PDE4B: variants seen among roughly 807,000 people sequenced by gnomAD.
The protein encoded by PDE4B is 3',5'-cyclic-AMP phosphodiesterase 4B.
Under a neutral mutation model 82.2 loss-of-function variants are expected in PDE4B, and 20 were observed. That is an observed-to-expected ratio of 0.24 (90% CI 0.17 to 0.35). PDE4B has a LOEUF of 0.35. PDE4B is among the 10% of genes least tolerant of loss of function. PDE4B has a pLI of 1.00. For synonymous variants in PDE4B, 320 were observed against 318.9 expected (o/e 1.00, Z -0.04); for missense variants, 655 against 907.2 (o/e 0.72, Z 3.57).
intron 3 of PDE4B, among the ~76,000 whole-genome samples, chr1:66,207,679 A>T (rs1294743845): frequency 6.6e-6 from 1 of 152,208 alleles, no homozygotes; most frequent in African/African-American, 2.4e-5. Context: ...TCTAGGATGT[A>T]GTCCCAGTCG....
At chr1:66,162,057 C>T (rs908134137) in intron 3 of PDE4B, among the ~76,000 whole-genome samples, 11 of 151,836 alleles carry the variant, frequency 7.2e-5, no homozygotes, top group Admixed American at 4.6e-4. Flanking sequence ...CTGAATGGTG[C>T]TAGTTTTAAT....
chr1:66,208,924 G>T (rs1387787823), intron 3 of PDE4B, among the ~76,000 whole-genome samples: 1 of 152,198 alleles, frequency 6.6e-6, no homozygotes, highest in Non-Finnish European at 1.5e-5. Context: ...AGGAAAAGAT[G>T]TGTATGCCCA....
chr1:65,983,437 T>C (rs1190104193), intron 3 of PDE4B, among the ~76,000 whole-genome samples: 1 of 152,164 alleles, frequency 6.6e-6, no homozygotes, highest in African/African-American at 2.4e-5. Flanking sequence ...AAATCATATG[T>C]TGAAATTCTA....
chr1:65,977,923 G>C (rs561963924), intron 3 of PDE4B, among the ~76,000 whole-genome samples: 46 of 152,154 alleles, frequency 3.0e-4, no homozygotes, highest in African/African-American at 1.1e-3. Flanking sequence ...ATAATACTTA[G>C]AGCATATTTT....
At chr1:66,031,275 A>T (rs187784885) in intron 3 of PDE4B, among the ~76,000 whole-genome samples, 55 of 152,320 alleles carry the variant, frequency 3.6e-4, no homozygotes, top group Non-Finnish European at 6.8e-4. Flanking sequence ...ATTAATAAAA[A>T]CCCAATTAAT....
At chr1:66,145,814 G>A (rs889884566) in intron 3 of PDE4B, among the ~76,000 whole-genome samples, 30 of 152,294 alleles carry the variant, frequency 2.0e-4, no homozygotes, top group Non-Finnish European at 1.5e-5. Flanking sequence ...ACAGTGCATT[G>A]TTGTGCTTCT....
Position 65,902,007 on chromosome 1 carries a change from A to C in PDE4B, c.-70-11238A>C, listed in dbSNP as rs147503052. 7.0e-3 allele frequency among the ~76,000 whole-genome samples: 1,062 copies of C among 152,074 alleles called. 13 individuals carry two copies. Among genetic ancestry groups the C allele is most frequent in the African/African-American group, 0.023 (970 of 41,480 alleles). On this transcript the variant is annotated intron_variant, in intron 1 of 16. Transcript: ENST00000341517. ...GTCTCTATTTTCATTTATTTCAAGA[A>C]ATTTTTTTACTTCTGCCTTAATTTT...
At chr1:65,936,283 T>A (rs567742063) in intron 3 of PDE4B, among the ~76,000 whole-genome samples, 34 of 152,292 alleles carry the variant, frequency 2.2e-4, no homozygotes, top group South Asian at 1.5e-3. Context: ...AACTTTTTTT[T>A]AATATACATA....
rs184737917 is a variant in PDE4B, at chr1:66,104,207, C to T, written c.282-143253C>T. The stretch of plus-strand genomic sequence containing the variant: ...TATGGTGTTTGGTTTTTTGTTCTTG[C>T]GATAGTTTACTGAGAATGATGATTT... On this transcript the variant is annotated intron_variant, in intron 3 of 16. Transcript: ENST00000341517. 2.6e-3 allele frequency among the ~76,000 whole-genome samples: 389 copies of T among 151,328 alleles called. 1 individual carries two copies. The highest frequency in any genetic ancestry group is 8.2e-3 in the African/African-American group (339 of 41,252).
intron 3 of PDE4B, among the ~76,000 whole-genome samples, chr1:66,117,689 T>C (rs996559452): frequency 1.3e-5 from 2 of 152,220 alleles, no homozygotes; most frequent in African/African-American, 4.8e-5. Context: ...TCTGGGATCC[T>C]GGCAGTCCAC....
At chr1:66,234,766 T>A (rs1652271324) in intron 3 of PDE4B, among the ~76,000 whole-genome samples, 1 of 152,144 alleles carries the variant, frequency 6.6e-6, no homozygotes, top group Admixed American at 6.5e-5. Flanking sequence ...TTCACTGATC[T>A]CTCTCTCCCT....
At position 65,918,746 on chromosome 1, in the gene PDE4B, G is replaced by A. The variant is rs147193846; in HGVS notation, c.192G>A (p.Arg64=). 8.2e-5 allele frequency: 133 copies of A among 1,613,882 alleles called. No homozygotes were observed. The highest frequency in any genetic ancestry group is 1.0e-4 in the Non-Finnish European group (122 of 1,179,870). ...PLSQRQSERA[R]TPEGDGISRP... ...CTCAAAGACAGAGTGAAAGGGCAAGGACTCCTGAGGGAGATGGTATTTCCA... is the reference window on the plus strand; with the variant it reads ...CTCAAAGACAGAGTGAAAGGGCAAGAACTCCTGAGGGAGATGGTATTTCCA... Residue 64 remains arginine (R), a synonymous_variant, in exon 3 of 17, where the codon AGG becomes AGA. Coordinates refer to ENST00000341517, the MANE Select transcript of PDE4B (RefSeq NM_002600.4).
intron 3 of PDE4B, among the ~76,000 whole-genome samples, chr1:66,141,398 G>T (rs1646170065): frequency 6.9e-6 from 1 of 145,562 alleles, no homozygotes; most frequent in African/African-American, 2.6e-5. Flanking sequence ...AGGGCAGAAA[G>T]AATTGAGCAA....
chr1:66,184,168 T>G (rs1647130974), intron 3 of PDE4B, among the ~76,000 whole-genome samples: 1 of 152,098 alleles, frequency 6.6e-6, no homozygotes. Flanking sequence ...GACATTTAAA[T>G]GCTGAAGCTA....
At chr1:66,256,592 A>T (rs1177379260) in intron 4 of PDE4B, among the ~76,000 whole-genome samples, 3 of 152,328 alleles carry the variant, frequency 2.0e-5, no homozygotes, top group African/African-American at 7.2e-5. Context: ...ATTAAATAAG[A>T]TGTCAAGTTA....
At chr1:66,012,925 A>G (rs1652566230) in intron 3 of PDE4B, among the ~76,000 whole-genome samples, 1 of 152,140 alleles carries the variant, frequency 6.6e-6, no homozygotes, top group Non-Finnish European at 1.5e-5. Flanking sequence ...TAATCCTCAC[A>G]GTAACTTTAT....
intron 3 of PDE4B, among the ~76,000 whole-genome samples, chr1:66,062,218 C>G (rs7512880): frequency 0.47 from 71,854 of 151,924 alleles, 17,652 homozygotes; most frequent in Non-Finnish European, 0.54. Flanking sequence ...AAATGAAAAG[C>G]AGGAACTACT....
Position 66,354,897 on chromosome 1 carries a change from G to A in PDE4B, c.748-630G>A, listed in dbSNP as rs1178233614. The A allele has an allele frequency of 5.2e-6, 8 of 1,535,292 alleles. No homozygotes were observed. In the South Asian group the frequency reaches 9.5e-5, roughly 18 times the overall value. ...CTGTATCTTGGGGTTACATCAAGGT[G>A]GGTTAATTTGATTGTGTTCTGTGTC... On this transcript the variant is annotated intron_variant, in intron 8 of 16. Coordinates refer to ENST00000341517, the MANE Select transcript of PDE4B (RefSeq NM_002600.4).
At chr1:66,371,131 T>TATAA (rs2050760248) in intron 16 of PDE4B, among the ~76,000 whole-genome samples, 1 of 131,526 alleles carries the variant, frequency 7.6e-6, no homozygotes, top group African/African-American at 3.0e-5. Flanking sequence ...TATATATATA[T>TATAA]ATAATTTTAT....
Sources: gnomAD v4.1 joint callset for allele counts (sites outside exome capture counted in the v4.1 genomes callset) on GRCh38, gnomAD v4.1.1 for gene constraint, MANE v1.5 for transcripts, NCBI Gene and HGNC (gene_info 2026-07-23, HGNC 2026-07-21) for gene names.